GHR: variants seen among roughly 807,000 people sequenced by gnomAD.
GHR encodes GH receptor.
Under a neutral mutation model 67.1 loss-of-function variants are expected in GHR, and 35 were observed. The ratio of observed to expected loss-of-function variants is 0.52; its 90% CI spans 0.40 to 0.69. The LOEUF (loss-of-function observed/expected upper bound fraction) is 0.69, where lower values mean the gene tolerates loss of function less well. GHR is among the 30% of genes least tolerant of loss of function. The pLI is 0.00. For synonymous variants in GHR, 272 were observed against 269.1 expected, an observed-to-expected ratio of 1.01 and a Z score of -0.10; for missense variants, 792 against 764.6, an observed-to-expected ratio of 1.04 and a Z score of -0.42.
At chr5:42,430,601 T>A (rs1422138672) in intron 1 of GHR, among the ~76,000 whole-genome samples, 1 of 129,256 alleles carries the variant, frequency 7.7e-6, no homozygotes, top group Non-Finnish European at 1.6e-5. Flanking sequence ...TTGTCCATGC[T>A]AGTCCCGTGT....
At chr5:42,701,416 T>C (rs563075059) in intron 6 of GHR, among the ~76,000 whole-genome samples, 1 of 152,320 alleles carries the variant, frequency 6.6e-6, no homozygotes, top group South Asian at 2.1e-4. Flanking sequence ...ACATTAAGCA[T>C]GTCTGCTGCG....
chr5:42,689,017 A>G lies in GHR; in HGVS notation c.264A>G (p.Arg88=). The G allele has an allele frequency of 6.2e-7, 1 of 1,613,606 alleles. No homozygotes were observed. The highest frequency in any genetic ancestry group is 8.5e-7 in the Non-Finnish European group (1 of 1,179,522). The change falls in exon 4 of 10, where the codon AGA becomes AGG. Residue 88 remains arginine (R), a splice_region_variant and synonymous_variant. Transcript: ENST00000230882. ...GACCCATACAGCTGTTCTATACCAG[A>G]AGGTGCCACCATCATGCCTTTCTGA... The part of the protein sequence containing the change: ...NLGPIQLFYT[R]RNTQEWTQEW...
At chr5:42,450,059 T>A (rs1743981249) in intron 1 of GHR, among the ~76,000 whole-genome samples, 1 of 152,198 alleles carries the variant, frequency 6.6e-6, no homozygotes, top group African/African-American at 2.4e-5. Flanking sequence ...TACTACTTTG[T>A]TGAGGATTTT....
At chr5:42,574,872 T>G (rs1750562365) in intron 2 of GHR, among the ~76,000 whole-genome samples, 1 of 152,166 alleles carries the variant, frequency 6.6e-6, no homozygotes, top group South Asian at 2.1e-4. Flanking sequence ...CACTGATGCC[T>G]TAAAGCAGAG....
intron 5 of GHR, among the ~76,000 whole-genome samples, chr5:42,696,206 T>C (rs1300811968): frequency 2.6e-5 from 4 of 152,226 alleles, no homozygotes; most frequent in African/African-American, 7.2e-5. Context: ...ATGCCTGTCA[T>C]GTGTCACGCA....
chr5:42,483,887 G>T (rs1183174130), intron 1 of GHR, among the ~76,000 whole-genome samples: 4 of 152,202 alleles, frequency 2.6e-5, no homozygotes, highest in Non-Finnish European at 5.9e-5. Context: ...AAACACAGTT[G>T]TAACATACTG....
intron 2 of GHR, among the ~76,000 whole-genome samples, chr5:42,593,481 TC>T (rs1751903172): frequency 6.6e-6 from 1 of 152,192 alleles, no homozygotes; most frequent in Non-Finnish European, 1.5e-5. Context: ...ATATTCAAGG[TC>T]CCTGTGCTGA....
intron 1 of GHR, among the ~76,000 whole-genome samples, chr5:42,452,165 G>A (rs1744077988): frequency 6.6e-6 from 1 of 152,180 alleles, no homozygotes; most frequent in Non-Finnish European, 1.5e-5. Flanking sequence ...CTGAAGCTTA[G>A]TTTTGCTGGA....
intron 2 of GHR, among the ~76,000 whole-genome samples, chr5:42,615,625 T>C (rs1753103649): frequency 6.6e-6 from 1 of 150,658 alleles, no homozygotes; most frequent in African/African-American, 2.5e-5. Context: ...CCCTTACCTT[T>C]ATGTATGTGT....
chr5:42,634,273 T>C (rs1754062218), intron 3 of GHR, among the ~76,000 whole-genome samples: 1 of 152,328 alleles, frequency 6.6e-6, no homozygotes, highest in Admixed American at 6.5e-5. Flanking sequence ...TTGTATTCTC[T>C]TATGGCTCTT....
At position 42,447,174 on chromosome 5, in the gene GHR, G is replaced by A. The variant is rs184226011; in HGVS notation, c.-12+23219G>A. Among the ~76,000 whole-genome samples the A allele has an allele frequency of 1.2e-3, 183 of 151,782 alleles. 1 individual carries two copies. The highest frequency in any genetic ancestry group is 4.1e-4 in the Non-Finnish European group (28 of 67,942). On this transcript the variant is annotated intron_variant, in intron 1 of 9. Coordinates refer to ENST00000230882, the MANE Select transcript of GHR (RefSeq NM_000163.5). ...TTTGTTTTATTTTAATAGTTTTTGG[G>A]GAAGAGGTGGTTTTTGGTTCCACGA...
intron 3 of GHR, among the ~76,000 whole-genome samples, chr5:42,635,915 TA>T (rs1309278137): frequency 6.6e-6 from 1 of 151,570 alleles, no homozygotes; most frequent in Non-Finnish European, 1.5e-5. Context: ...TAGAAGTGAG[TA>T]AAAAAAATTT....
chr5:42,569,697 A>G (rs1360094096), intron 2 of GHR, among the ~76,000 whole-genome samples: 1 of 151,908 alleles, frequency 6.6e-6, no homozygotes, highest in Non-Finnish European at 1.5e-5. Flanking sequence ...TTATATTTGT[A>G]TGTGTGTAAT....
intron 2 of GHR, among the ~76,000 whole-genome samples, chr5:42,616,009 A>C (rs1235114924): frequency 6.6e-6 from 1 of 151,916 alleles, no homozygotes. Context: ...TGCTTACAAC[A>C]TACACTTGGG....
chr5:42,435,406 T>C (rs1743280473), intron 1 of GHR, among the ~76,000 whole-genome samples: 1 of 152,108 alleles, frequency 6.6e-6, no homozygotes, highest in Non-Finnish European at 1.5e-5. Context: ...CATTCCTGGG[T>C]AGAGAAGTTT....
chr5:42,424,350 AG>A lies in GHR; in HGVS notation c.-12+396del. ...GAGACAGTTTTGTTAAAGTCATAAAAGTTTTGCTAGTGTGTTTCTGTTTGCC... is the reference window on the plus strand; with the variant it reads ...GAGACAGTTTTGTTAAAGTCATAAAATTTTGCTAGTGTGTTTCTGTTTGCC... On this transcript the variant is annotated intron_variant, in intron 1 of 9. Transcript: ENST00000230882. The surrounding 1 kb of genome is among the most constrained non-coding windows in gnomAD (Gnocchi z 4.1). The A allele has an allele frequency of 1.7e-6, 1 of 587,242 alleles. No homozygotes were observed. Among genetic ancestry groups the A allele is most frequent in the South Asian group, 2.0e-5 (1 of 48,976 alleles). The allele number at this position is 587,242 out of a possible 1,614,324, so 36.4% of individuals were successfully genotyped here.
intron 1 of GHR, among the ~76,000 whole-genome samples, chr5:42,534,116 A>G (rs1037593549): frequency 2.0e-5 from 3 of 148,378 alleles, no homozygotes; most frequent in Non-Finnish European, 3.0e-5. Context: ...GTATGTATAT[A>G]TGTATGTATA....
intron 3 of GHR, among the ~76,000 whole-genome samples, chr5:42,635,424 G>T (rs1754131097): frequency 6.6e-6 from 1 of 152,172 alleles, no homozygotes; most frequent in Non-Finnish European, 1.5e-5. Context: ...GCAATGAGTT[G>T]TATCTGTCCC....
At chr5:42,710,156 A>G (rs1317839784) in intron 6 of GHR, among the ~76,000 whole-genome samples, 1 of 152,154 alleles carries the variant, frequency 6.6e-6, no homozygotes, top group African/African-American at 2.4e-5. Flanking sequence ...AGGCTTCTAT[A>G]AAAAATACAA....
Sources: gnomAD v4.1 joint callset for allele counts (sites outside exome capture counted in the v4.1 genomes callset) on GRCh38, gnomAD v4.1.1 for gene constraint, Gnocchi (gnomAD v3.1) non-coding constraint, MANE v1.5 for transcripts, NCBI Gene and HGNC (gene_info 2026-07-23, HGNC 2026-07-21) for gene names.